Variants in BCLAF1 observed in about 807,000 individuals in gnomAD.
BCLAF1 encodes the protein bcl-2-associated transcription factor 1.
In BCLAF1, 10 loss-of-function variants were observed where a neutral mutation model predicts 99.5. That is an observed-to-expected ratio of 0.10 (90% CI 0.06 to 0.17). The LOEUF is 0.17. BCLAF1 is among the 10% of genes least tolerant of loss of function. The probability of loss-of-function intolerance (pLI) is 1.00; values close to 1 mark genes in which losing one functional copy is unlikely to be tolerated. For missense variants in BCLAF1, 636 were observed against 1,105.8 expected (o/e 0.58, Z 6.02); for synonymous variants, 255 against 370.9 (o/e 0.69, Z 3.59).
At chr6:136,282,429 A>G (rs1784497694) in intron 2 of BCLAF1, among the ~76,000 whole-genome samples, 155 bp downstream of exon 2, 2 of 152,148 alleles carry the variant, frequency 1.3e-5, no homozygotes, top group Admixed American at 1.3e-4. Context: ...AACTAACTTA[A>G]CATCTGACTT....
chr6:136,287,952 G>A (rs780125778), intron 1 of BCLAF1, among the ~76,000 whole-genome samples: 3 of 152,130 alleles, frequency 2.0e-5, no homozygotes, highest in Non-Finnish European at 2.9e-5. Context: ...ACCCGGAGAC[G>A]GAGGCTGCAG....
intron 3 of BCLAF1, among the ~76,000 whole-genome samples, chr6:136,279,011 A>ACACACG: frequency 6.6e-6 from 1 of 151,240 alleles, no homozygotes; most frequent in South Asian, 2.1e-4. Flanking sequence ...ACACACACAC[A>ACACACG]CACACACACA....
intron 1 of BCLAF1, among the ~76,000 whole-genome samples, chr6:136,284,096 A>T (rs1463503422): frequency 1.4e-5 from 2 of 138,240 alleles, no homozygotes; most frequent in Non-Finnish European, 3.0e-5. Flanking sequence ...AGGCTAATTT[A>T]TATATATATA....
At chr6:136,278,931 A>G (rs1046858890) in intron 3 of BCLAF1, among the ~76,000 whole-genome samples, 155 bp from the exon 4 acceptor site, 6 of 152,018 alleles carry the variant, frequency 3.9e-5, no homozygotes, top group Admixed American at 1.3e-4. Context: ...GTTTCCAATC[A>G]AAAAGCCTCA....
At chr6:136,269,060 A>G (rs1408814450) in intron 9 of BCLAF1, 10 of 1,027,278 alleles carry the variant, frequency 9.7e-6, no homozygotes, top group East Asian at 7.3e-5. Flanking sequence ...AAACCACTAG[A>G]TATCAGTTTA....
intron 7 of BCLAF1, among the ~76,000 whole-genome samples, chr6:136,272,294 G>GTGAA (rs1491573489): frequency 6.6e-6 from 1 of 151,832 alleles, no homozygotes; most frequent in African/African-American, 2.4e-5. Flanking sequence ...TTATATAGAA[G>GTGAA]TGAAGTCTGG....
intron 8 of BCLAF1, among the ~76,000 whole-genome samples, chr6:136,270,752 C>T (rs562535943): frequency 6.6e-6 from 1 of 151,822 alleles, no homozygotes; most frequent in South Asian, 2.1e-4. Flanking sequence ...ATCCTCTTGT[C>T]TATTCATCAA....
intron 8 of BCLAF1, among the ~76,000 whole-genome samples, chr6:136,271,647 G>A (rs914231946): frequency 2.0e-5 from 3 of 151,820 alleles, no homozygotes; most frequent in Non-Finnish European, 4.4e-5. Context: ...CACACAAATC[G>A]AGAAATATTT....
At chr6:136,275,209 C>T (rs1407260469) in intron 6 of BCLAF1, among the ~76,000 whole-genome samples, 1 of 151,834 alleles carries the variant, frequency 6.6e-6, no homozygotes, top group Non-Finnish European at 1.5e-5. Flanking sequence ...ATCTGTAAGC[C>T]TTCTGCACTT....
chr6:136,285,907 G>A (rs749097739), intron 1 of BCLAF1, among the ~76,000 whole-genome samples: 2 of 152,072 alleles, frequency 1.3e-5, no homozygotes, highest in Non-Finnish European at 2.9e-5. Context: ...AGACCAGCCT[G>A]GCCAACATGG....
At chr6:136,265,685 C>T (rs1194972285) in intron 11 of BCLAF1, among the ~76,000 whole-genome samples, 1 of 152,162 alleles carries the variant, frequency 6.6e-6, no homozygotes, top group Non-Finnish European at 1.5e-5. Context: ...ACTTGCCTAC[C>T]TCTTAACCTC....
intron 11 of BCLAF1, among the ~76,000 whole-genome samples, chr6:136,264,604 G>C (rs1275414916): frequency 1.3e-5 from 2 of 152,140 alleles, no homozygotes; most frequent in African/African-American, 4.8e-5. Flanking sequence ...TCTAGTTCTA[G>C]ACTTTTCTTC....
intron 2 of BCLAF1, among the ~76,000 whole-genome samples, chr6:136,280,117 C>T (rs147155817): frequency 5.3e-5 from 8 of 152,268 alleles, no homozygotes; most frequent in African/African-American, 1.9e-4. Context: ...GACTGCCCCA[C>T]TTATGAGCCT....
chr6:136,272,852 A>G (rs2128476537), intron 7 of BCLAF1, among the ~76,000 whole-genome samples: 1 of 152,108 alleles, frequency 6.6e-6, no homozygotes, highest in South Asian at 2.1e-4. Flanking sequence ...ATTTAATTCC[A>G]TACTGCAAAG....
chr6:136,272,701 A>T (rs1366066044), intron 7 of BCLAF1, among the ~76,000 whole-genome samples: 1 of 151,980 alleles, frequency 6.6e-6, no homozygotes, highest in Admixed American at 6.6e-5. Context: ...TCAGGATTTC[A>T]ACACAACTAT....
intron 4 of BCLAF1, among the ~76,000 whole-genome samples, chr6:136,277,256 A>G (rs1348105165): frequency 1.3e-5 from 2 of 152,228 alleles, no homozygotes; most frequent in Non-Finnish European, 1.5e-5. Context: ...TTGTATAGTC[A>G]GGCTGAAATC....
chr6:136,269,775 T>C (rs1432983701), intron 8 of BCLAF1, 163 bp from the exon 9 acceptor site: 1 of 476,850 alleles, frequency 2.1e-6, no homozygotes, highest in Non-Finnish European at 3.5e-6. Context: ...TGTTAAAAAA[T>C]GTACTTGACT....
Position 136,269,426 on chromosome 6 carries a change from T to C in BCLAF1, c.2219+11A>G. ...AAGCTAAAACCTATCTTAGTCAGTTTGAACAATTACCTGTCATCTTTGTAA... is the reference window on the plus strand; with the variant it reads ...AAGCTAAAACCTATCTTAGTCAGTTCGAACAATTACCTGTCATCTTTGTAA... On this transcript the variant is annotated intron_variant, in intron 9 of 12. Transcript: ENST00000531224. The C allele has an allele frequency of 6.2e-7, 1 of 1,601,958 alleles. No individual in the cohort carries two copies. Among genetic ancestry groups the C allele is most frequent in the Non-Finnish European group, 8.5e-7 (1 of 1,175,310 alleles).
At chr6:136,284,043 T>C (rs1049101262) in intron 1 of BCLAF1, among the ~76,000 whole-genome samples, 1 of 150,944 alleles carries the variant, frequency 6.6e-6, no homozygotes, top group Non-Finnish European at 1.5e-5. Flanking sequence ...CTAGAAGTGG[T>C]ACAAGGCTCA....
Sources: allele counts gnomAD v4.1 joint callset (sites outside exome capture counted in the v4.1 genomes callset), GRCh38; gene constraint gnomAD v4.1.1; transcripts MANE v1.5; gene names NCBI Gene and HGNC (gene_info 2026-07-23, HGNC 2026-07-21).